The following ZNF385D variants were observed in gnomAD, a reference collection of about 807,000 sequenced individuals.
The protein encoded by ZNF385D is zinc finger protein 385D.
Under a neutral mutation model 35.8 loss-of-function variants are expected in ZNF385D, and 15 were observed. The observed-to-expected ratio is 0.42, with a 90% CI of 0.28 to 0.64. The LOEUF (loss-of-function observed/expected upper bound fraction) is 0.64, where lower values mean the gene tolerates loss of function less well. Ranked by LOEUF, ZNF385D falls within the 30% of genes least tolerant of loss-of-function variation. ZNF385D has a pLI of 0.23. For synonymous variants in ZNF385D, 212 were observed against 186.8 expected (o/e 1.13, Z -1.10); for missense variants, 474 against 494.6 (o/e 0.96, Z 0.39).
chr3:22,372,383 T>C, intron 2 of ZNF385D: 1 of 945,952 alleles, frequency 1.1e-6, no homozygotes, highest in East Asian at 1.2e-4. Context: ...CAACCCTAGC[T>C]CCTTGCCCGG....
intron 2 of ZNF385D, among the ~76,000 whole-genome samples, chr3:22,208,237 C>T (rs1697284654): frequency 6.6e-6 from 1 of 151,832 alleles, no homozygotes; most frequent in African/African-American, 2.4e-5. Flanking sequence ...TACATATACA[C>T]AATGGAGAGC....
chr3:21,883,112 T>C (rs259555), intron 3 of ZNF385D, among the ~76,000 whole-genome samples: 87,083 of 151,556 alleles, frequency 0.57, 25,218 homozygotes, highest in South Asian at 0.71. Flanking sequence ...CATATCATCT[T>C]ATGGGTTAGT....
chr3:21,554,397 C>T (rs2062664659), intron 3 of ZNF385D, among the ~76,000 whole-genome samples: 1 of 152,070 alleles, frequency 6.6e-6, no homozygotes, highest in Non-Finnish European at 1.5e-5. Context: ...ATTCAGTAAA[C>T]CATGATGTAA....
At chr3:22,029,435 C>T (rs1697780244) in intron 3 of ZNF385D, among the ~76,000 whole-genome samples, 1 of 152,124 alleles carries the variant, frequency 6.6e-6, no homozygotes, top group Non-Finnish European at 1.5e-5. Context: ...TTGGTTTACT[C>T]CAGCAGGAAA....
At chr3:22,014,417 A>G (rs1696758934) in intron 3 of ZNF385D, among the ~76,000 whole-genome samples, 1 of 152,132 alleles carries the variant, frequency 6.6e-6, no homozygotes, top group African/African-American at 2.4e-5. Flanking sequence ...GATGCCAGAG[A>G]AAAGAAAGAA....
chr3:21,750,966 C>T lies in ZNF385D; in HGVS notation c.-50G>A, dbSNP rs781658502. On this transcript the variant is annotated 5_prime_UTR_variant, in exon 1 of 8. In the 5' UTR this introduces an upstream ATG that the reference lacks. Transcript: ENST00000281523. ...GCGGTGTCTTCAGCATCAGCTCTCA[C>T]CCAAGGCTGGCACGTAGAGCAGAGC... 6.2e-7 allele frequency: 1 copy of T among 1,613,866 alleles called. No homozygotes were observed. Among genetic ancestry groups the T allele is most frequent in the South Asian group, 1.1e-5 (1 of 91,074 alleles).
At chr3:22,006,799 C>A (rs1036073907) in intron 3 of ZNF385D, among the ~76,000 whole-genome samples, 2 of 151,052 alleles carry the variant, frequency 1.3e-5, no homozygotes, top group African/African-American at 4.9e-5. Flanking sequence ...AGAATAAAAC[C>A]AAAAACTAAA....
intron 1 of ZNF385D, among the ~76,000 whole-genome samples, chr3:21,720,757 G>A (rs2068506843): frequency 6.6e-6 from 1 of 152,058 alleles, no homozygotes; most frequent in Non-Finnish European, 1.5e-5. Flanking sequence ...ATTTCTGATT[G>A]GCTATGTTAA....
chr3:22,362,842 T>C (rs1696477078), intron 2 of ZNF385D, among the ~76,000 whole-genome samples: 1 of 152,096 alleles, frequency 6.6e-6, no homozygotes, highest in South Asian at 2.1e-4. Flanking sequence ...ACAACCCCTA[T>C]GTCTACCAGG....
At chr3:21,809,935 G>C (rs1413508481) in intron 3 of ZNF385D, among the ~76,000 whole-genome samples, 1 of 152,032 alleles carries the variant, frequency 6.6e-6, no homozygotes, top group East Asian at 1.9e-4. Context: ...GGCATAAATT[G>C]TTTCACTGGA....
At chr3:22,282,632 G>A (rs1370176262) in intron 2 of ZNF385D, among the ~76,000 whole-genome samples, 3 of 151,912 alleles carry the variant, frequency 2.0e-5, no homozygotes, top group Admixed American at 2.0e-4. Flanking sequence ...AATTTGTTGA[G>A]ACTTGTTTTG....
intron 3 of ZNF385D, chr3:21,563,388 A>C (rs755875563): frequency 5.9e-5 from 9 of 152,174 alleles, no homozygotes; most frequent in Non-Finnish European, 1.3e-4. Flanking sequence ...AAATGGACTA[A>C]AGTGTTATGC....
chr3:21,511,585 G>A (rs1273532824), intron 3 of ZNF385D: 1 of 421,530 alleles, frequency 2.4e-6, no homozygotes. Flanking sequence ...GCACACAGAA[G>A]CCGGGCAATT....
At chr3:21,793,403 A>G (rs2072009891) in intron 3 of ZNF385D, among the ~76,000 whole-genome samples, 1 of 152,252 alleles carries the variant, frequency 6.6e-6, no homozygotes, top group Non-Finnish European at 1.5e-5. Flanking sequence ...GATAGAGGGA[A>G]CAAAGAACAA....
chr3:21,942,190 T>G (rs1271495903), intron 3 of ZNF385D, among the ~76,000 whole-genome samples: 1 of 152,232 alleles, frequency 6.6e-6, no homozygotes, highest in Non-Finnish European at 1.5e-5. Context: ...AATATTACAT[T>G]TTAATTTTTA....
At position 22,072,693 on chromosome 3, in the gene ZNF385D, G is replaced by A. The variant is rs1003901864; in HGVS notation, c.325+96124C>T. Among the ~76,000 whole-genome samples, 4 of 151,722 alleles carry A rather than the reference G, an allele frequency of 2.6e-5. 1 individual carries two copies. The South Asian group carries it at 8.3e-4, about 31-fold the overall frequency. On this transcript the variant is annotated intron_variant, in intron 3 of 5. Coordinates refer to the ZNF385D transcript ENST00000494108. The stretch of plus-strand genomic sequence containing the variant: ...AGAAATGGAGAAAAGGAGAAAGAGG[G>A]AGAAAGGGAGAAAGAGGGAAGGACA...
intron 3 of ZNF385D, among the ~76,000 whole-genome samples, chr3:22,155,501 T>A (rs931938895): frequency 1.3e-5 from 2 of 152,062 alleles, no homozygotes; most frequent in Non-Finnish European, 2.9e-5. Context: ...ACTGGGACAC[T>A]TTTGTTAGTG....
chr3:21,814,852 C>T lies in ZNF385D; in HGVS notation c.326-149824G>A, dbSNP rs539425327. Among the ~76,000 whole-genome samples the T allele has an allele frequency of 1.4e-4, 21 of 152,292 alleles. No homozygotes were observed. In the East Asian group the frequency reaches 3.9e-3, roughly 28 times the overall value. On this transcript the variant is annotated intron_variant, in intron 3 of 5. Transcript: ENST00000494108. ...ACAGACCTAATAGACATCTACAGAG[C>T]TCTCCACCCCAAATCAACAGAATAT... is the stretch of plus-strand genomic sequence containing the variant.
intron 3 of ZNF385D, among the ~76,000 whole-genome samples, chr3:21,904,528 T>C (rs1270090712): frequency 6.6e-6 from 1 of 152,124 alleles, no homozygotes; most frequent in East Asian, 1.9e-4. Flanking sequence ...TTTGATTACG[T>C]TGAGTTGGCA....
Sources: allele counts gnomAD v4.1 joint callset (sites outside exome capture counted in the v4.1 genomes callset), GRCh38; gene constraint gnomAD v4.1.1; transcripts MANE v1.5; gene names NCBI Gene and HGNC (gene_info 2026-07-23, HGNC 2026-07-21).